ANXA10: variants seen among roughly 807,000 people sequenced by gnomAD.
ANXA10 encodes annexin 14.
Under a neutral mutation model 53.5 loss-of-function variants are expected in ANXA10, and 49 were observed. The observed-to-expected ratio is 0.92, with a 90% CI of 0.73 to 1.16. ANXA10 has a LOEUF of 1.16. ANXA10 is among the 50% of genes most tolerant of loss of function. ANXA10 has a pLI of 0.00. For missense variants in ANXA10, 393 were observed against 394.4 expected, an observed-to-expected ratio of 1.00 and a Z score of 0.03; for synonymous variants, 131 against 128.9, an observed-to-expected ratio of 1.02 and a Z score of -0.11.
At chr4:168,097,182 C>A (rs2149463445) in intron 1 of ANXA10, among the ~76,000 whole-genome samples, 1 of 152,030 alleles carries the variant, frequency 6.6e-6, no homozygotes, top group East Asian at 1.9e-4. Context: ...TTGTATTACA[C>A]CCATTATATA....
chr4:168,151,070 G>A (rs1731488692), intron 3 of ANXA10, among the ~76,000 whole-genome samples: 1 of 152,076 alleles, frequency 6.6e-6, no homozygotes, highest in Non-Finnish European at 1.5e-5. Context: ...CCAGGAAGGG[G>A]TTCATCCAGT....
chr4:168,134,257 T>A (rs12648056), intron 2 of ANXA10, among the ~76,000 whole-genome samples: 100,105 of 151,926 alleles, frequency 0.66, 34,151 homozygotes, highest in African/African-American at 0.82. Flanking sequence ...AGAAGAAAAA[T>A]CCTTAAATAA....
intron 3 of ANXA10, among the ~76,000 whole-genome samples, chr4:168,149,949 C>G (rs1005836938): frequency 6.6e-6 from 1 of 152,134 alleles, no homozygotes; most frequent in Non-Finnish European, 1.5e-5. Flanking sequence ...GACTTGATTC[C>G]CTGTGTTACA....
chr4:168,136,127 G>GC (rs1392538134), intron 2 of ANXA10, among the ~76,000 whole-genome samples: 1 of 152,008 alleles, frequency 6.6e-6, no homozygotes, highest in African/African-American at 2.4e-5. Context: ...GGGGAAATCT[G>GC]CCCCCATGAT....
chr4:168,149,950 CTGTG>C (rs1459242179), intron 3 of ANXA10, among the ~76,000 whole-genome samples: 2 of 152,152 alleles, frequency 1.3e-5, no homozygotes, highest in Non-Finnish European at 2.9e-5. Flanking sequence ...ACTTGATTCC[CTGTG>C]TTACATTGCC....
chr4:168,152,444 A>T (rs919635233), intron 3 of ANXA10, among the ~76,000 whole-genome samples: 27 of 152,166 alleles, frequency 1.8e-4, no homozygotes, highest in African/African-American at 6.3e-4. Context: ...GATATTATGT[A>T]TCTTGTTGAC....
At chr4:168,113,020 C>T (rs555464525) in intron 1 of ANXA10, among the ~76,000 whole-genome samples, 24 of 148,984 alleles carry the variant, frequency 1.6e-4, no homozygotes, top group African/African-American at 5.7e-4. Flanking sequence ...GAGACTCCAT[C>T]GGAAAAAAAA....
At chr4:168,153,441 AC>A (rs375058039) in intron 3 of ANXA10, among the ~76,000 whole-genome samples, 4,169 of 52,194 alleles carry the variant, frequency 0.08, 280 homozygotes, top group African/African-American at 0.098. Context: ...AAAAAAAAAA[AC>A]AAAAACAAAA....
intron 3 of ANXA10, among the ~76,000 whole-genome samples, chr4:168,141,334 T>A (rs1188365840): frequency 6.6e-6 from 1 of 152,206 alleles, no homozygotes; most frequent in Non-Finnish European, 1.5e-5. Flanking sequence ...CACATTTCTC[T>A]CTTTAAACTG....
At chr4:168,175,111 C>T (rs1330776395) in intron 6 of ANXA10, among the ~76,000 whole-genome samples, 3 of 151,826 alleles carry the variant, frequency 2.0e-5, no homozygotes, top group Admixed American at 1.3e-4. Context: ...ATTAAGAGAT[C>T]GAAAAGAAGA....
At chr4:168,129,796 A>C (rs1731129823) in intron 2 of ANXA10, among the ~76,000 whole-genome samples, 1 of 152,196 alleles carries the variant, frequency 6.6e-6, no homozygotes, top group African/African-American at 2.4e-5. Flanking sequence ...CTATAAAAAG[A>C]AACACTTATT....
chr4:168,110,818 T>C (rs1489722221), intron 1 of ANXA10, among the ~76,000 whole-genome samples: 1 of 152,160 alleles, frequency 6.6e-6, no homozygotes, highest in East Asian at 1.9e-4. Context: ...ACCAGAGCCA[T>C]GCATTATTTT....
chr4:168,110,820 C>T (rs183857360), intron 1 of ANXA10, among the ~76,000 whole-genome samples: 1 of 152,158 alleles, frequency 6.6e-6, no homozygotes, highest in Admixed American at 6.5e-5. Context: ...CAGAGCCATG[C>T]ATTATTTTAA....
chr4:168,124,269 G>A (rs1160289978), intron 1 of ANXA10, among the ~76,000 whole-genome samples: 1 of 152,164 alleles, frequency 6.6e-6, no homozygotes, highest in African/African-American at 2.4e-5. Flanking sequence ...CGGTCGCCAT[G>A]ATCATAAGGT....
intron 1 of ANXA10, among the ~76,000 whole-genome samples, chr4:168,124,098 C>T (rs56023031): frequency 0.012 from 1,784 of 152,268 alleles, 12 homozygotes; most frequent in South Asian, 0.018. Flanking sequence ...TTTCTGCTGA[C>T]GTGCAATTGA....
At chr4:168,170,216 A>C (rs948143133) in intron 6 of ANXA10, among the ~76,000 whole-genome samples, 2 of 152,186 alleles carry the variant, frequency 1.3e-5, no homozygotes, top group African/African-American at 4.8e-5. Flanking sequence ...TTATGAATGA[A>C]CAGGATGAAC....
At chr4:168,113,488 C>T (rs946375785) in intron 1 of ANXA10, among the ~76,000 whole-genome samples, 6 of 152,182 alleles carry the variant, frequency 3.9e-5, no homozygotes, top group African/African-American at 1.2e-4. Context: ...AGTCTGCTTC[C>T]ACAATGGTGC....
chr4:168,164,078 C>T (rs1731831931), intron 4 of ANXA10, 120 bp from the exon 5 acceptor site: 3 of 725,096 alleles, frequency 4.1e-6, no homozygotes, highest in Non-Finnish European at 6.9e-6. Context: ...TCCTAAACCA[C>T]TTCCTTTCCC....
Position 168,109,843 on chromosome 4 carries a change from C to T in ANXA10, c.18+17125C>T, listed in dbSNP as rs183783352. On this transcript the variant is annotated intron_variant, in intron 1 of 11. Coordinates refer to ENST00000359299, the MANE Select transcript of ANXA10 (RefSeq NM_007193.5). ...ATTACCTTTAAATATATTTTAAAAG[C>T]ATTTTAGCTATAGTCAGCTAAGCTA... is the stretch of plus-strand genomic sequence containing the variant. 1.6e-3 allele frequency among the ~76,000 whole-genome samples: 240 copies of T among 152,296 alleles called. 1 individual carries two copies. The highest frequency in any genetic ancestry group is 5.1e-3 in the African/African-American group (213 of 41,564).
Sources: allele counts gnomAD v4.1 joint callset (sites outside exome capture counted in the v4.1 genomes callset), GRCh38; gene constraint gnomAD v4.1.1; transcripts MANE v1.5; gene names NCBI Gene and HGNC (gene_info 2026-07-23, HGNC 2026-07-21).